PSMC1: variants seen among roughly 807,000 people sequenced by gnomAD.
PSMC1 encodes the protein proteasome 26S subunit, ATPase 1, also known as 26S proteasome regulatory subunit 4.
Under a neutral mutation model 49.8 loss-of-function variants are expected in PSMC1, and 5 were observed. That is an observed-to-expected ratio of 0.10 (90% CI 0.05 to 0.21). PSMC1 has a LOEUF of 0.21. Among genes scored for constraint, PSMC1 ranks in the 10% least tolerant of loss-of-function variants. The pLI is 1.00. For synonymous variants in PSMC1, 155 were observed against 192.1 expected, an observed-to-expected ratio of 0.81 and a Z score of 1.60; for missense variants, 181 against 535.7, an observed-to-expected ratio of 0.34 and a Z score of 6.54.
chr14:90,266,064 C>T lies in PSMC1; in HGVS notation c.691+898C>T, dbSNP rs1034567531. Among the ~76,000 whole-genome samples the T allele has an allele frequency of 4.0e-5, 6 of 151,640 alleles. No individual in the cohort carries two copies. In the South Asian group the frequency reaches 6.3e-4, roughly 16 times the overall value. On this transcript the variant is annotated intron_variant, in intron 7 of 10. Transcript: ENST00000261303. ...TGAGGCCAGGAGTTCAAGACCAGCC[C>T]GGCCAACATGGTGAAACCCCATCTC...
At chr14:90,259,501 G>T (rs886883649) in intron 2 of PSMC1, among the ~76,000 whole-genome samples, 2 of 152,172 alleles carry the variant, frequency 1.3e-5, no homozygotes, top group African/African-American at 4.8e-5. Flanking sequence ...ATAGCCTGAG[G>T]TATGAAGATT....
intron 7 of PSMC1, 79 bp from the exon 8 acceptor site, chr14:90,268,145 G>C: frequency 3.3e-6 from 4 of 1,212,224 alleles, no homozygotes; most frequent in Non-Finnish European, 4.5e-6. Flanking sequence ...GTCCATTTAA[G>C]GTGGTAATGA....
At chr14:90,262,581 G>A (rs1051726697) in intron 3 of PSMC1, among the ~76,000 whole-genome samples, 15 of 151,980 alleles carry the variant, frequency 9.9e-5, no homozygotes, top group African/African-American at 3.6e-4. Context: ...TCAGGAGATT[G>A]GGACCATCCT....
rs763864347 is a variant in PSMC1 at position 90,256,589 on chromosome 14, C to T, written c.-9C>T. ...TTCCGGCAGCGGCAGCTCAAGTGGCCAAGGCAAGATGGTGAGTGACTAAGG... is the reference window on the plus strand; with the variant it reads ...TTCCGGCAGCGGCAGCTCAAGTGGCTAAGGCAAGATGGTGAGTGACTAAGG... On this transcript the variant is annotated 5_prime_UTR_variant, in exon 1 of 11. Transcript: ENST00000261303. 2 of 1,589,096 alleles carry T rather than the reference C, an allele frequency of 1.3e-6. No individual in the cohort carries two copies. The highest frequency in any genetic ancestry group is 4.6e-5 in the East Asian group (2 of 43,880).
chr14:90,259,343 GT>G, intron 2 of PSMC1, 130 bp downstream of exon 2: 1 of 721,974 alleles, frequency 1.4e-6, no homozygotes, highest in South Asian at 2.1e-5. Context: ...AAACTAGCCT[GT>G]CCTACAGATA....
intron 3 of PSMC1, 36 bp from the exon 4 acceptor site, chr14:90,263,282 G>A (rs1156566935): frequency 6.4e-7 from 1 of 1,568,068 alleles, no homozygotes; most frequent in Non-Finnish European, 8.6e-7. Context: ...AAACTTCAGG[G>A]TCCACATATA....
At position 90,265,442 on chromosome 14, in the gene PSMC1, G is replaced by T. The variant is rs138609940; in HGVS notation, c.691+276G>T. Reference sequence around the variant, plus strand: ...GCAGTGGCTCACGCCTGTAATCCCAGTACTTTGGGAGGCAGAGGCGGGTGG... The same window carrying T: ...GCAGTGGCTCACGCCTGTAATCCCATTACTTTGGGAGGCAGAGGCGGGTGG... On this transcript the variant is annotated intron_variant, in intron 7 of 10. Transcript: ENST00000261303. Among the ~76,000 whole-genome samples the T allele has an allele frequency of 6.1e-3, 930 of 152,072 alleles. 6 individuals carry two copies. Among genetic ancestry groups the T allele is most frequent in the African/African-American group, 0.021 (877 of 41,458 alleles).
intron 3 of PSMC1, among the ~76,000 whole-genome samples, chr14:90,260,497 C>T (rs1463244898): frequency 4.6e-5 from 7 of 152,062 alleles, no homozygotes; most frequent in South Asian, 2.1e-4. Context: ...TTTGGGAGGC[C>T]GAGGCGGGCG....
intron 3 of PSMC1, among the ~76,000 whole-genome samples, chr14:90,260,738 G>GA (rs1368422093): frequency 1.8e-4 from 27 of 149,024 alleles, no homozygotes; most frequent in South Asian, 4.2e-4. Flanking sequence ...TCTCAAAAAA[G>GA]AAAAAAAAAC....
At chr14:90,268,527 G>A (rs1314334264) in intron 8 of PSMC1, 114 bp downstream of exon 8, 24 of 1,039,638 alleles carry the variant, frequency 2.3e-5, no homozygotes, top group South Asian at 4.6e-5. Flanking sequence ...CTTGCTGTGC[G>A]TGGCCTTCCA....
At position 90,272,527 on chromosome 14, in the gene PSMC1, C is replaced by T. The variant is rs1210146139; in HGVS notation, c.*120C>T. On this transcript the variant is annotated 3_prime_UTR_variant, in exon 11 of 11. Coordinates refer to ENST00000261303, the MANE Select transcript of PSMC1 (RefSeq NM_002802.3). This position sits in a 1 kb window ranked among gnomAD's most constrained non-coding sequence, Gnocchi z 4.5. ...CACTGATTTTTATTAGCAAAACATC[C>T]TGTGTCTTTTGGAGTACGATGTGTA... 7.6e-6 allele frequency: 5 copies of T among 656,042 alleles called. No individual in the cohort carries two copies. Among genetic ancestry groups the T allele is most frequent in the African/African-American group, 5.5e-5 (3 of 54,104 alleles). 40.6% of individuals were successfully genotyped at this position (656,042 alleles called of 1,614,324 possible).
chr14:90,268,501 C>T (rs1891576831), intron 8 of PSMC1, 88 bp downstream of exon 8: 1 of 1,299,350 alleles, frequency 7.7e-7, no homozygotes, highest in Non-Finnish European at 1.1e-6. Context: ...AGGGGGCTCT[C>T]CCTATGGCCA....
chr14:90,272,205 T>G lies in PSMC1; in HGVS notation c.1189-68T>G. On this transcript the variant is annotated intron_variant, in intron 10 of 10. Transcript: ENST00000261303. The surrounding 1 kb of genome is among the most constrained non-coding windows in gnomAD (Gnocchi z 4.5). ...CACCGCGCCTGGCCTCAGAATAGGT[T>G]TTTTGGAATTCCTTGTTAGAATAAA... 6.3e-7 allele frequency: 1 copy of G among 1,575,630 alleles called. No individual in the cohort carries two copies. The highest frequency in any genetic ancestry group is 8.6e-7 in the Non-Finnish European group (1 of 1,163,624).
At chr14:90,259,055 A>G in intron 1 of PSMC1, 105 bp from the exon 2 acceptor site, 1 of 993,914 alleles carries the variant, frequency 1.0e-6, no homozygotes, top group Non-Finnish European at 1.4e-6. Flanking sequence ...TGAGGGAGAA[A>G]TGTTACTCAC....
Position 90,262,816 on chromosome 14 carries a change from G to C in PSMC1, c.155-502G>C, listed in dbSNP as rs370010214. On this transcript the variant is annotated intron_variant, in intron 3 of 10. Transcript: ENST00000261303. ...AAAAAAAAAGACACAATTCTTACGT[G>C]GCTTGAGACTTCAAAGCCAAAAGAA... 1.4e-4 allele frequency among the ~76,000 whole-genome samples: 21 copies of C among 150,924 alleles called. No homozygotes were observed. In the South Asian group the frequency reaches 4.4e-3, roughly 32 times the overall value.
intron 4 of PSMC1, 33 bp downstream of exon 4, chr14:90,263,475 T>C: frequency 3.9e-6 from 6 of 1,541,380 alleles, no homozygotes; most frequent in Non-Finnish European, 4.4e-6. Context: ...TTTTCTTTTT[T>C]ACAAATTGAA....
rs1491397403 is a variant in PSMC1 at position 90,274,838 on chromosome 14, A to ACACCCACC, written c.*2432_*2433insACCCACCC. The ACACCCACC allele has an allele frequency of 4.5e-5, 3 of 67,220 alleles. No individual in the cohort carries two copies. Among genetic ancestry groups the ACACCCACC allele is most frequent in the Non-Finnish European group, 6.4e-5 (2 of 31,320 alleles). 4.2% of individuals were successfully genotyped at this position (67,220 alleles called of 1,614,324 possible). ...CACACACACACACACACACACACAC[A>ACACCCACC]CCCCAATACATATGAATTGATCTGA... On this transcript the variant is annotated 3_prime_UTR_variant, in exon 11 of 11. Coordinates refer to ENST00000261303, the MANE Select transcript of PSMC1 (RefSeq NM_002802.3).
chr14:90,270,110 T>A (rs980956670), intron 9 of PSMC1, 88 bp from the exon 10 acceptor site: 1 of 1,387,050 alleles, frequency 7.2e-7, no homozygotes, highest in Non-Finnish European at 9.8e-7. Context: ...TGAAACTTCG[T>A]ATGTAAGGAG....
intron 4 of PSMC1, 43 bp from the exon 5 acceptor site, chr14:90,263,619 T>G: frequency 6.3e-7 from 1 of 1,591,934 alleles, no homozygotes; most frequent in South Asian, 1.1e-5. Context: ...TCATCTACTT[T>G]GAGGTCTAGT....
Sources: gnomAD v4.1 joint callset for allele counts (sites outside exome capture counted in the v4.1 genomes callset) on GRCh38, gnomAD v4.1.1 for gene constraint, Gnocchi (gnomAD v3.1) non-coding constraint, MANE v1.5 for transcripts, NCBI Gene and HGNC (gene_info 2026-07-23, HGNC 2026-07-21) for gene names.